Variants in NOVA1 observed in about 807,000 individuals in gnomAD.
The protein encoded by NOVA1 is NOVA alternative splicing regulator 1.
Under a neutral mutation model 38.0 loss-of-function variants are expected in NOVA1, and 7 were observed. That is an observed-to-expected ratio of 0.18 (90% CI 0.10 to 0.35). The LOEUF (loss-of-function observed/expected upper bound fraction) is 0.35, where lower values mean the gene tolerates loss of function less well. Ranked by LOEUF, NOVA1 falls within the 10% of genes least tolerant of loss-of-function variation. NOVA1 has a pLI of 1.00. For missense variants in NOVA1, 460 were observed against 616.0 expected, an observed-to-expected ratio of 0.75 and a Z score of 2.68; for synonymous variants, 270 against 232.5, an observed-to-expected ratio of 1.16 and a Z score of -1.47.
At chr14:26,526,088 G>A (rs1045263523) in intron 2 of NOVA1, among the ~76,000 whole-genome samples, 14 of 151,900 alleles carry the variant, frequency 9.2e-5, no homozygotes, top group Non-Finnish European at 1.6e-4. Flanking sequence ...TTAAAGAACT[G>A]CTTGCTAATT....
intron 2 of NOVA1, among the ~76,000 whole-genome samples, chr14:26,518,040 C>T (rs1888597416): frequency 6.6e-6 from 1 of 152,022 alleles, no homozygotes; most frequent in Admixed American, 6.6e-5. Flanking sequence ...TAATCTCTAT[C>T]ATAAACATGA....
At position 26,490,325 on chromosome 14, in the gene NOVA1, A is replaced by G. The variant is rs542304940; in HGVS notation, c.281-10182T>C. Among the ~76,000 whole-genome samples the G allele has an allele frequency of 2.0e-4, 31 of 152,276 alleles. No homozygotes were observed. In the South Asian group the frequency reaches 3.5e-3, roughly 17 times the overall value. ...TACTGCTGCAATGAACACTGGTAGC[A>G]TCTGCTTCAGTGCTTGTTCTCAATT... On this transcript the variant is annotated intron_variant, in intron 2 of 4. Transcript: ENST00000539517.
chr14:26,474,375 G>T (rs1884812966), intron 3 of NOVA1, among the ~76,000 whole-genome samples: 1 of 151,904 alleles, frequency 6.6e-6, no homozygotes, highest in African/African-American at 2.4e-5. Context: ...GGTCTTAACT[G>T]CAAAGAACCA....
At chr14:26,582,808 C>T (rs1893303737) in intron 2 of NOVA1, among the ~76,000 whole-genome samples, 2 of 151,692 alleles carry the variant, frequency 1.3e-5, no homozygotes, top group South Asian at 2.1e-4. Flanking sequence ...GTCCATCAGA[C>T]TTATAAGCCC....
At chr14:26,551,360 A>C (rs1594518760) in intron 2 of NOVA1, among the ~76,000 whole-genome samples, 1 of 152,202 alleles carries the variant, frequency 6.6e-6, no homozygotes, top group African/African-American at 2.4e-5. Context: ...ATTACCAGTA[A>C]TAGTAATAAT....
intron 2 of NOVA1, among the ~76,000 whole-genome samples, chr14:26,551,061 T>C (rs1891133480): frequency 6.6e-6 from 1 of 152,006 alleles, no homozygotes; most frequent in Non-Finnish European, 1.5e-5. Flanking sequence ...GGAAACTGCA[T>C]ACTAAAATAA....
In NOVA1 at chr14:26,448,673, A is replaced by G. The variant is rs1222245483; in HGVS notation, c.810T>C (p.Ser270=). The G allele has an allele frequency of 6.2e-7, 1 of 1,614,082 alleles. No homozygotes were observed. The highest frequency in any genetic ancestry group is 8.5e-7 in the Non-Finnish European group (1 of 1,180,050). The change falls in exon 5 of 5, where the codon TCT becomes TCC. Residue 270 remains serine, a synonymous_variant. Coordinates refer to ENST00000539517, the MANE Select transcript of NOVA1 (RefSeq NM_002515.3). The surrounding 1 kb of genome is among the most constrained non-coding windows in gnomAD (Gnocchi z 5.3). ...ACACTTCAGCAGTGTTTGCATAAGG[A>G]GATCCGGTTGGATTGGAATTTGCCA... ...GPVANSNPTG[S]PYANTAEVLP... is the part of the protein sequence containing the mutation.
intron 2 of NOVA1, among the ~76,000 whole-genome samples, chr14:26,495,643 C>A (rs993444703): frequency 2.9e-5 from 4 of 138,444 alleles, no homozygotes; most frequent in South Asian, 2.7e-4. Context: ...CTATCCCTAC[C>A]CCCTCCCCCC....
intron 2 of NOVA1, among the ~76,000 whole-genome samples, chr14:26,530,549 G>C (rs1889640960): frequency 6.6e-6 from 1 of 151,892 alleles, no homozygotes; most frequent in Non-Finnish European, 1.5e-5. Flanking sequence ...CTTATCTCTG[G>C]GAAAAGACTG....
intron 2 of NOVA1, among the ~76,000 whole-genome samples, chr14:26,504,024 A>C (rs145072202): frequency 2.6e-5 from 4 of 152,314 alleles, no homozygotes; most frequent in African/African-American, 9.6e-5. Context: ...TCAAAATATG[A>C]CATTGTAAAA....
chr14:26,485,811 TTAA>T (rs1307950095), intron 2 of NOVA1, among the ~76,000 whole-genome samples: 1 of 152,146 alleles, frequency 6.6e-6, no homozygotes, highest in Non-Finnish European at 1.5e-5. Flanking sequence ...TTAGGAAATA[TTAA>T]TGTTAGTGTA....
At chr14:26,564,711 T>C (rs968895064) in intron 2 of NOVA1, among the ~76,000 whole-genome samples, 1 of 152,198 alleles carries the variant, frequency 6.6e-6, no homozygotes, top group Non-Finnish European at 1.5e-5. Context: ...AACCCAGTTC[T>C]GCCTCACTTC....
chr14:26,448,609 C>T lies in NOVA1; in HGVS notation c.874G>A (p.Ala292Thr), dbSNP rs982697633. The change falls in exon 5 of 5, where the codon GCT becomes ACT. Residue 292 changes from alanine to threonine, a missense_variant. Coordinates refer to ENST00000539517, the MANE Select transcript of NOVA1 (RefSeq NM_002515.3). The surrounding 1 kb of genome is among the most constrained non-coding windows in gnomAD (Gnocchi z 5.3). The stretch of plus-strand genomic sequence containing the variant: ...AAGGCTGCAACGCCAGCAAGGTTAG[C>T]ATGTCCTAATAGCCCTGCAGCTGCT... ...AAAAAGLLGH[A>T]NLAGVAAFPA... 16 of 1,614,126 alleles carry T rather than the reference C, an allele frequency of 9.9e-6. No individual in the cohort carries two copies. Among genetic ancestry groups the T allele is most frequent in the Admixed American group, 1.7e-5 (1 of 60,010 alleles).
intron 2 of NOVA1, among the ~76,000 whole-genome samples, chr14:26,554,156 A>G (rs1162369136): frequency 1.4e-5 from 2 of 147,984 alleles, no homozygotes; most frequent in East Asian, 3.9e-4. Context: ...GAAAAGGAAG[A>G]AAAAGAAAGA....
chr14:26,574,962 C>A (rs1594564494), intron 2 of NOVA1, among the ~76,000 whole-genome samples: 1 of 152,274 alleles, frequency 6.6e-6, no homozygotes, highest in East Asian at 1.9e-4. Flanking sequence ...CTGAGCCCAG[C>A]CTATACTGTC....
intron 2 of NOVA1, among the ~76,000 whole-genome samples, chr14:26,587,184 C>A (rs1893568445): frequency 6.6e-6 from 1 of 150,464 alleles, no homozygotes; most frequent in Admixed American, 6.7e-5. Context: ...TAGAAGAGAT[C>A]ATCTGAACTT....
chr14:26,577,870 T>C (rs1007051650), intron 2 of NOVA1, among the ~76,000 whole-genome samples: 1 of 151,886 alleles, frequency 6.6e-6, no homozygotes, highest in Admixed American at 6.6e-5. Flanking sequence ...AGAGTTCAGA[T>C]GAAAGGTCCA....
At chr14:26,537,780 T>G (rs750567942) in intron 2 of NOVA1, among the ~76,000 whole-genome samples, 1 of 152,076 alleles carries the variant, frequency 6.6e-6, no homozygotes, top group Non-Finnish European at 1.5e-5. Context: ...TGTGAAGACC[T>G]TAAAAGACTA....
intron 2 of NOVA1, among the ~76,000 whole-genome samples, chr14:26,530,320 A>G (rs928514107): frequency 1.3e-5 from 2 of 152,202 alleles, no homozygotes; most frequent in Non-Finnish European, 2.9e-5. Context: ...TGGTATATTC[A>G]TCCTATTAAA....
Sources: gnomAD v4.1 joint callset for allele counts (sites outside exome capture counted in the v4.1 genomes callset) on GRCh38, gnomAD v4.1.1 for gene constraint, Gnocchi (gnomAD v3.1) non-coding constraint, MANE v1.5 for transcripts, NCBI Gene and HGNC (gene_info 2026-07-23, HGNC 2026-07-21) for gene names.